FRMD4A: variants seen among roughly 807,000 people sequenced by gnomAD.
FRMD4A encodes the protein FERM domain containing 4A.
A neutral mutation model predicts 129.1 loss-of-function variants in FRMD4A; 29 were observed. The observed-to-expected ratio is 0.22, with a 90% confidence interval of 0.17 to 0.31. The LOEUF (loss-of-function observed/expected upper bound fraction) is 0.31, where lower values mean the gene tolerates loss of function less well. Ranked by LOEUF, FRMD4A falls within the 10% of genes least tolerant of loss-of-function variation. The probability of loss-of-function intolerance (pLI) is 1.00; values close to 1 mark genes in which losing one functional copy is unlikely to be tolerated. For synonymous variants in FRMD4A, 634 were observed against 571.6 expected (o/e 1.11, Z -1.56); for missense variants, 1,272 against 1,375.8 (o/e 0.92, Z 1.19).
chr10:13,650,214 A>AT (rs771088040), intron 24 of FRMD4A, among the ~76,000 whole-genome samples: 4 of 152,092 alleles, frequency 2.6e-5, no homozygotes, highest in Non-Finnish European at 5.9e-5. Flanking sequence ...AAACTGAATT[A>AT]TTTTTTTAAA....
At chr10:14,294,074 G>T (rs1447548778) in intron 2 of FRMD4A, among the ~76,000 whole-genome samples, 2 of 152,160 alleles carry the variant, frequency 1.3e-5, no homozygotes, top group Non-Finnish European at 2.9e-5. Context: ...CAGACTGGTT[G>T]ATACCTCCAG....
intron 2 of FRMD4A, among the ~76,000 whole-genome samples, chr10:14,271,267 A>G (rs530993867): frequency 6.6e-6 from 1 of 152,320 alleles, no homozygotes; most frequent in African/African-American, 2.4e-5. Flanking sequence ...ATCACTATAC[A>G]TACATTTTTT....
chr10:14,075,288 G>A (rs141833947), intron 2 of FRMD4A, among the ~76,000 whole-genome samples: 80 of 152,340 alleles, frequency 5.3e-4, no homozygotes, highest in African/African-American at 1.9e-3. Flanking sequence ...GAGGAAAGGG[G>A]AGGACATATT....
chr10:13,716,393 A>G (rs2088811145), intron 12 of FRMD4A, among the ~76,000 whole-genome samples: 1 of 152,196 alleles, frequency 6.6e-6, no homozygotes. Context: ...CCAAATACCC[A>G]AACAATGACG....
intron 2 of FRMD4A, among the ~76,000 whole-genome samples, chr10:14,308,628 C>T (rs1014298271): frequency 2.0e-4 from 30 of 152,198 alleles, no homozygotes; most frequent in African/African-American, 7.0e-4. Context: ...TACTGTACCT[C>T]TTTTAAGTTT....
intron 2 of FRMD4A, among the ~76,000 whole-genome samples, chr10:14,128,771 T>C (rs919557020): frequency 1.1e-4 from 17 of 152,112 alleles, no homozygotes; most frequent in Non-Finnish European, 1.6e-4. Flanking sequence ...CCACCACCAT[T>C]ATCATCATCA....
At chr10:13,750,045 A>AAAGG (rs60816536) in intron 8 of FRMD4A, among the ~76,000 whole-genome samples, 206 of 118,848 alleles carry the variant, frequency 1.7e-3, no homozygotes, top group East Asian at 8.4e-3. Context: ...GAGGGAAAGG[A>AAAGG]AAGGAAGGAA....
rs566813539 is a variant in FRMD4A, at chr10:14,177,240, C to T, written c.45+152818G>A. 4.6e-5 allele frequency among the ~76,000 whole-genome samples: 7 copies of T among 151,860 alleles called. No homozygotes were observed. In the South Asian group the frequency reaches 1.0e-3, roughly 23 times the overall value. On this transcript the variant is annotated intron_variant, in intron 2 of 24. Coordinates refer to ENST00000357447, the MANE Select transcript of FRMD4A (RefSeq NM_018027.5). Reference sequence around the variant, plus strand: ...TGAGACAAAGTATCGCTCTGTTGCCCGGGCTGGAGTGCAGTGGCATGATCT... The same window carrying T: ...TGAGACAAAGTATCGCTCTGTTGCCTGGGCTGGAGTGCAGTGGCATGATCT...
chr10:14,160,682 T>C (rs555122598), intron 2 of FRMD4A, among the ~76,000 whole-genome samples: 9 of 152,210 alleles, frequency 5.9e-5, no homozygotes, highest in East Asian at 1.9e-4. Context: ...CCAACAGATA[T>C]ATGAAAAAAT....
chr10:13,815,927 G>A, intron 3 of FRMD4A, among the ~76,000 whole-genome samples: 1 of 152,178 alleles, frequency 6.6e-6, no homozygotes, highest in Non-Finnish European at 1.5e-5. Flanking sequence ...GCCTTACCAT[G>A]GTGATATGTC....
intron 2 of FRMD4A, among the ~76,000 whole-genome samples, chr10:14,272,026 T>A (rs1845178638): frequency 6.6e-6 from 1 of 152,062 alleles, no homozygotes; most frequent in Admixed American, 6.5e-5. Context: ...CCAACCACAC[T>A]GGCAAAGAAA....
chr10:13,693,759 C>T (rs766557684), intron 15 of FRMD4A, 139 bp downstream of exon 15: 2 of 890,556 alleles, frequency 2.2e-6, no homozygotes, highest in Non-Finnish European at 3.6e-6. Context: ...TGGATCCCAA[C>T]CTTGGTCTGG....
At chr10:13,971,133 C>T (rs1010304885) in intron 2 of FRMD4A, among the ~76,000 whole-genome samples, 10 of 152,252 alleles carry the variant, frequency 6.6e-5, no homozygotes, top group East Asian at 1.9e-4. Flanking sequence ...CACGCACGCA[C>T]GCGCTCACAC....
At chr10:13,860,556 AAATACAGTTC>A (rs1464894618) in intron 2 of FRMD4A, among the ~76,000 whole-genome samples, 1 of 152,152 alleles carries the variant, frequency 6.6e-6, no homozygotes, top group African/African-American at 2.4e-5. Flanking sequence ...AGTCCCCATT[AAATACAGTTC>A]TTTTCCCCTG....
At chr10:14,128,024 C>CT (rs1423635732) in intron 2 of FRMD4A, among the ~76,000 whole-genome samples, 6 of 136,228 alleles carry the variant, frequency 4.4e-5, no homozygotes, top group African/African-American at 1.7e-4. Flanking sequence ...TCCTTCCTTC[C>CT]TTCCTTCCTT....
At position 13,771,043 on chromosome 10, in the gene FRMD4A, C is replaced by A. The variant is rs561791441; in HGVS notation, c.385-8363G>T. Among the ~76,000 whole-genome samples the A allele has an allele frequency of 2.0e-5, 3 of 152,206 alleles. No homozygotes were observed. The East Asian group carries it at 5.8e-4, about 29-fold the overall frequency. ...ATCAACAAGAGTGATAGCATTTAGACCTAAACTGCAAATGTGGCCCAAGGA... is the reference window on the plus strand; with the variant it reads ...ATCAACAAGAGTGATAGCATTTAGAACTAAACTGCAAATGTGGCCCAAGGA... On this transcript the variant is annotated intron_variant, in intron 6 of 24. Transcript: ENST00000357447.
intron 2 of FRMD4A, among the ~76,000 whole-genome samples, chr10:14,135,634 G>A (rs1295620717): frequency 6.6e-6 from 1 of 152,192 alleles, no homozygotes; most frequent in Non-Finnish European, 1.5e-5. Flanking sequence ...ACAAAGACAT[G>A]AGGAAGATTC....
At chr10:13,666,026 G>A (rs1480413550) in intron 18 of FRMD4A, 71 bp downstream of exon 18, 12 of 859,324 alleles carry the variant, frequency 1.4e-5, no homozygotes, top group Non-Finnish European at 2.2e-5. Context: ...GGGACCACTC[G>A]TGGGACCTGG....
At chr10:13,704,197 G>A (rs965396441) in intron 13 of FRMD4A, among the ~76,000 whole-genome samples, 1 of 152,186 alleles carries the variant, frequency 6.6e-6, no homozygotes, top group African/African-American at 2.4e-5. Context: ...GTGCAAGAAA[G>A]ATCTTACAGC....
Sources: gnomAD v4.1 joint callset for allele counts (sites outside exome capture counted in the v4.1 genomes callset) on GRCh38, gnomAD v4.1.1 for gene constraint, MANE v1.5 for transcripts, NCBI Gene and HGNC (gene_info 2026-07-23, HGNC 2026-07-21) for gene names.